The following LRP6 variants were observed in gnomAD, a reference collection of about 807,000 sequenced individuals.
The protein encoded by LRP6 is low-density lipoprotein receptor-related protein 6.
In LRP6, 43 loss-of-function variants were observed where a neutral mutation model predicts 184.1. The observed-to-expected ratio is 0.23, with a 90% CI of 0.18 to 0.30. The LOEUF is 0.30. Among genes scored for constraint, LRP6 ranks in the 10% least tolerant of loss-of-function variants. LRP6 has a pLI of 1.00. For synonymous variants in LRP6, 719 were observed against 684.9 expected (o/e 1.05, Z -0.78); for missense variants, 1,571 against 2,005.3 (o/e 0.78, Z 4.14).
chr12:12,126,645 T>C, intron 20 of LRP6, 46 bp downstream of exon 20: 3 of 1,464,324 alleles, frequency 2.0e-6, no homozygotes, highest in Non-Finnish European at 2.9e-6. Context: ...ACTGGCAGTC[T>C]TGCAGGACCA....
intron 19 of LRP6, among the ~76,000 whole-genome samples, chr12:12,128,411 G>A (rs1044706387): frequency 6.6e-6 from 1 of 152,090 alleles, no homozygotes; most frequent in Non-Finnish European, 1.5e-5. Flanking sequence ...TTACTGTCCT[G>A]GGAGATTCTA....
intron 21 of LRP6, 71 bp downstream of exon 21, chr12:12,125,225 C>A: frequency 6.4e-7 from 1 of 1,567,658 alleles, no homozygotes; most frequent in Non-Finnish European, 8.8e-7. Context: ...TCACTGATCA[C>A]CCACATTTAA....
In LRP6 at chr12:12,131,844, T is replaced by A. The variant is rs758523883; in HGVS notation, c.3947A>T (p.Lys1316Ile). 4 of 1,614,056 alleles carry A rather than the reference T, an allele frequency of 2.5e-6. No homozygotes were observed. Among genetic ancestry groups the A allele is most frequent in the Non-Finnish European group, 3.4e-6 (4 of 1,180,018 alleles). ...RCNGDANCQD[K>I]SDEKNCEVLC... ...ACCTTCACAGTTCTTCTCATCTGAT[T>A]TGTCCTGGCAGTTTGCATCTCCATT... The change falls in exon 18 of 23, where the codon AAA (lysine) becomes ATA (isoleucine). Residue 1316 changes from lysine (K) to isoleucine (I), a missense_variant. Lys to Ile is a moderately radical substitution (Grantham distance 102). This residue lies in a region of LRP6 where 763 missense variants were observed against 859.5 expected (regional missense o/e 0.89). Transcript: ENST00000261349.
At chr12:12,234,367 T>A (rs757101230) in intron 2 of LRP6, among the ~76,000 whole-genome samples, 2 of 151,642 alleles carry the variant, frequency 1.3e-5, no homozygotes, top group Non-Finnish European at 2.9e-5. Context: ...AAAGAATCAC[T>A]TGGACCCGGA....
At chr12:12,189,694 T>A (rs1431014556) in intron 3 of LRP6, among the ~76,000 whole-genome samples, 1 of 152,114 alleles carries the variant, frequency 6.6e-6, no homozygotes, top group East Asian at 1.9e-4. Context: ...AGAGATGGGG[T>A]TTCACCATGT....
At chr12:12,141,821 T>C (rs537472415) in intron 15 of LRP6, among the ~76,000 whole-genome samples, 175 of 152,350 alleles carry the variant, frequency 1.1e-3, no homozygotes, top group Non-Finnish European at 2.1e-3. Flanking sequence ...AACAGTAATA[T>C]GTTCATAGCC....
rs1036536127 is a variant in LRP6, at chr12:12,233,559, G to A, written c.449+10703C>T. On this transcript the variant is annotated intron_variant, in intron 2 of 22. Transcript: ENST00000261349. ...GTCTTTTCAATTAAGTCAACAAGGT[G>A]AGAGATAAAAAGGGAAAGGGGGAGG... 5.3e-5 allele frequency among the ~76,000 whole-genome samples: 8 copies of A among 152,136 alleles called. No homozygotes were observed. The South Asian group carries it at 1.7e-3, about 32-fold the overall frequency.
At chr12:12,219,648 T>C (rs1864435963) in intron 2 of LRP6, among the ~76,000 whole-genome samples, 1 of 152,230 alleles carries the variant, frequency 6.6e-6, no homozygotes, top group Non-Finnish European at 1.5e-5. Flanking sequence ...AAATGTTCTT[T>C]CATGGATATA....
intron 2 of LRP6, among the ~76,000 whole-genome samples, chr12:12,218,448 G>T (rs1458049255): frequency 6.7e-6 from 1 of 150,150 alleles, no homozygotes; most frequent in Admixed American, 6.7e-5. Flanking sequence ...CTACATTCCA[G>T]GCTGGGGAAC....
intron 12 of LRP6, among the ~76,000 whole-genome samples, chr12:12,154,929 C>T (rs1270695515): frequency 3.3e-5 from 5 of 152,216 alleles, no homozygotes; most frequent in Non-Finnish European, 2.9e-5. Context: ...GGCGTAGTGG[C>T]TCATGCCTGT....
rs142743200 is a variant in LRP6 at position 12,184,528 on chromosome 12, G to A, written c.845-417C>T. The stretch of plus-strand genomic sequence containing the variant: ...AAGAGCTTTGTGGAGTATACAGCAC[G>A]GGAGCCTTCAAGGATAGGAAGGATA... On this transcript the variant is annotated intron_variant, in intron 4 of 22. Coordinates refer to ENST00000261349, the MANE Select transcript of LRP6 (RefSeq NM_002336.3). Among the ~76,000 whole-genome samples, 112 of 152,282 alleles carry A rather than the reference G, an allele frequency of 7.4e-4. 1 individual carries two copies. Among genetic ancestry groups the A allele is most frequent in the Non-Finnish European group, 1.0e-3 (69 of 68,022 alleles).
At chr12:12,233,471 A>G (rs771592727) in intron 2 of LRP6, among the ~76,000 whole-genome samples, 1 of 152,180 alleles carries the variant, frequency 6.6e-6, no homozygotes, top group Non-Finnish European at 1.5e-5. Context: ...CCATCTCAAA[A>G]AAATAAATGA....
At chr12:12,179,381 G>T (rs201678124) in intron 7 of LRP6, among the ~76,000 whole-genome samples, 5 of 60,842 alleles carry the variant, frequency 8.2e-5, no homozygotes, top group Admixed American at 2.3e-4. Context: ...TATAGATATA[G>T]ATATAGATAT....
At chr12:12,191,816 C>T (rs1383390767) in intron 3 of LRP6, among the ~76,000 whole-genome samples, 1 of 151,012 alleles carries the variant, frequency 6.6e-6, no homozygotes, top group Non-Finnish European at 1.5e-5. Flanking sequence ...AATGAATAAA[C>T]ATAATACATA....
intron 2 of LRP6, among the ~76,000 whole-genome samples, chr12:12,224,092 T>A (rs1864554396): frequency 6.6e-6 from 1 of 152,194 alleles, no homozygotes; most frequent in African/African-American, 2.4e-5. Flanking sequence ...CATCACCCAC[T>A]TCAATGAGGT....
Position 12,173,421 on chromosome 12 carries a change from C to T in LRP6, c.1545+6389G>A, listed in dbSNP as rs117176756. 2.7e-3 allele frequency among the ~76,000 whole-genome samples: 405 copies of T among 152,322 alleles called. 2 individuals carry two copies. Among genetic ancestry groups the T allele is most frequent in the Non-Finnish European group, 4.2e-3 (288 of 68,030 alleles). ...TCAGTGGCATGATCTCAGCTCGCTG[C>T]AACCTCTGCCTCCCAGACTCAGGTG... On this transcript the variant is annotated intron_variant, in intron 7 of 22. Coordinates refer to ENST00000261349, the MANE Select transcript of LRP6 (RefSeq NM_002336.3).
intron 2 of LRP6, among the ~76,000 whole-genome samples, chr12:12,217,638 C>T (rs945631964): frequency 2.6e-5 from 4 of 152,018 alleles, no homozygotes; most frequent in African/African-American, 9.7e-5. Context: ...GCTAAACATA[C>T]TACAAAGCCA....
At chr12:12,149,273 A>G (rs1950049384) in intron 13 of LRP6, 120 bp from the exon 14 acceptor site, 2 of 807,162 alleles carry the variant, frequency 2.5e-6, no homozygotes, top group Admixed American at 3.7e-5. Context: ...TCAAGTCTTA[A>G]GGAGTATTTC....
Position 12,151,148 on chromosome 12 carries a change from T to C in LRP6, c.2792-110A>G, listed in dbSNP as rs544620303. 3 of 1,022,762 alleles carry C rather than the reference T, an allele frequency of 2.9e-6. No individual in the cohort carries two copies. In the East Asian group the frequency reaches 7.8e-5, roughly 27 times the overall value. 63.4% of individuals were successfully genotyped at this position (1,022,762 alleles called of 1,614,324 possible). A position where few individuals can be genotyped will look rare whatever the true frequency, so the allele number is the denominator to read the frequency against. ...ATTTCATACAAAACAGACATAGATG[T>C]TGAAGAGCTAAGGCTGAGGACAAAA... On this transcript the variant is annotated intron_variant, in intron 12 of 22. Transcript: ENST00000261349.
Sources: allele counts gnomAD v4.1 joint callset (sites outside exome capture counted in the v4.1 genomes callset), GRCh38; gene constraint gnomAD v4.1.1; regional missense constraint gnomAD v4.1.1; transcripts MANE v1.5; gene names NCBI Gene and HGNC (gene_info 2026-07-23, HGNC 2026-07-21).